SLAIN1: variants seen among roughly 807,000 people sequenced by gnomAD.
SLAIN1 encodes SLAIN motif-containing protein 1.
SLAIN1 carries 17 observed loss-of-function variants against 55.4 expected under a neutral mutation model. The observed-to-expected ratio is 0.31, with a 90% confidence interval of 0.21 to 0.46. SLAIN1 has a LOEUF of 0.46. SLAIN1 is among the 20% of genes least tolerant of loss of function. SLAIN1 has a pLI of 1.00. For synonymous variants in SLAIN1, 348 were observed against 337.4 expected, an observed-to-expected ratio of 1.03 and a Z score of -0.35; for missense variants, 682 against 785.1, an observed-to-expected ratio of 0.87 and a Z score of 1.57.
intron 2 of SLAIN1, among the ~76,000 whole-genome samples, chr13:77,736,546 CAACAACAACAA>C (rs1410560530): frequency 2.0e-5 from 3 of 152,044 alleles, no homozygotes; most frequent in African/African-American, 4.8e-5. Flanking sequence ...TTTTAAACAA[CAACAACAACAA>C]AACAACAACA....
At chr13:77,706,901 A>G (rs2091095479) in intron 1 of SLAIN1, among the ~76,000 whole-genome samples, 3 of 152,144 alleles carry the variant, frequency 2.0e-5, no homozygotes, top group Admixed American at 6.6e-5. Context: ...TGTTGAGTGC[A>G]CTGTGTTTGG....
intron 2 of SLAIN1, among the ~76,000 whole-genome samples, chr13:77,737,141 G>A (rs1179721774): frequency 6.6e-6 from 1 of 151,766 alleles, no homozygotes; most frequent in Non-Finnish European, 1.5e-5. Context: ...CATGTGCGAT[G>A]GCATCAGTGT....
At chr13:77,749,902 T>G (rs1874089888) in intron 4 of SLAIN1, among the ~76,000 whole-genome samples, 1 of 152,174 alleles carries the variant, frequency 6.6e-6, no homozygotes, top group Non-Finnish European at 1.5e-5. Flanking sequence ...TGCTTAAATA[T>G]GAGTAAAGAT....
At chr13:77,730,885 C>T (rs1442474781) in intron 2 of SLAIN1, among the ~76,000 whole-genome samples, 1 of 152,072 alleles carries the variant, frequency 6.6e-6, no homozygotes, top group Non-Finnish European at 1.5e-5. Flanking sequence ...GCAATTAAAT[C>T]ATAAGTTTTT....
chr13:77,761,649 A>T (rs1198000437), intron 6 of SLAIN1, among the ~76,000 whole-genome samples: 1 of 152,238 alleles, frequency 6.6e-6, no homozygotes, highest in African/African-American at 2.4e-5. Context: ...CCACACATTT[A>T]TGGTTTGAAA....
chr13:77,725,921 C>A (rs1310537079), intron 2 of SLAIN1, among the ~76,000 whole-genome samples: 2 of 152,194 alleles, frequency 1.3e-5, no homozygotes, highest in African/African-American at 4.8e-5. Flanking sequence ...TCTAACTGCA[C>A]AATTGCTAAT....
chr13:77,734,790 C>G (rs1333625551), intron 2 of SLAIN1, among the ~76,000 whole-genome samples: 2 of 152,026 alleles, frequency 1.3e-5, no homozygotes, highest in Non-Finnish European at 2.9e-5. Flanking sequence ...GAGGCTGAGG[C>G]GGATGGATCA....
rs1222192801 is a variant in SLAIN1 at position 77,744,313 on chromosome 13, C to T, written c.797C>T (p.Pro266Leu). 1 of 1,612,724 alleles carries T rather than the reference C, an allele frequency of 6.2e-7. No individual in the cohort carries two copies. The highest frequency in any genetic ancestry group is 8.5e-7 in the Non-Finnish European group (1 of 1,179,202). The change falls in exon 3 of 7, where the codon CCC (proline) becomes CTC (leucine). Residue 266 changes from proline (P) to leucine (L), a missense_variant. Transcript: ENST00000418532. ...ACTTCCAGGGGCTCCCCACTCAGTCCCCAGTCATCTATCGACAGTGAGCTG... is the reference window on the plus strand; with the variant it reads ...ACTTCCAGGGGCTCCCCACTCAGTCTCCAGTCATCTATCGACAGTGAGCTG... The part of the protein sequence containing the change: ...GYTSRGSPLS[P>L]QSSIDSELST...
rs773067800 is a variant in SLAIN1 at position 77,761,082 on chromosome 13, C to T, written c.1669C>T (p.Arg557Ter). ...SLAINGSNLP[R>*]SKIAQPVRSF... is the part of the protein sequence containing the mutation. ...GGCAATAAATGGGAGTAACCTGCCTCGAAGCAAAATTGCACAACCTGTTAG... is the reference window on the plus strand; with the variant it reads ...GGCAATAAATGGGAGTAACCTGCCTTGAAGCAAAATTGCACAACCTGTTAG... Residue 557 changes from arginine to a stop codon, truncating the protein, a stop_gained, in exon 6 of 7, where the codon CGA (arginine) becomes TGA (stop). Transcript: ENST00000418532. LOFTEE classifies it high-confidence loss of function. 6.2e-7 allele frequency: 1 copy of T among 1,614,068 alleles called. No individual in the cohort carries two copies. Among genetic ancestry groups the T allele is most frequent in the Non-Finnish European group, 8.5e-7 (1 of 1,179,990 alleles).
chr13:77,708,530 G>C (rs1288322241), intron 1 of SLAIN1, among the ~76,000 whole-genome samples: 1 of 152,172 alleles, frequency 6.6e-6, no homozygotes. Context: ...GCATCTGGCA[G>C]GTGCCCCTCT....
chr13:77,744,531 AT>A (rs1451201941), intron 3 of SLAIN1, 99 bp downstream of exon 3: 1 of 1,573,818 alleles, frequency 6.4e-7, no homozygotes, highest in Non-Finnish European at 8.6e-7. Flanking sequence ...TGGGCAAATA[AT>A]TAGATTCTTT....
chr13:77,752,745 T>C (rs966840804), intron 4 of SLAIN1, among the ~76,000 whole-genome samples: 7 of 152,158 alleles, frequency 4.6e-5, no homozygotes, highest in African/African-American at 1.4e-4. Context: ...GCTGAAGAAC[T>C]TGGAGTCTGA....
Position 77,746,769 on chromosome 13 carries a change from A to G in SLAIN1, c.1172A>G (p.Tyr391Cys), listed in dbSNP as rs1346755415. The change falls in exon 4 of 7, where the codon TAT (tyrosine) becomes TGT (cysteine). Residue 391 changes from tyrosine to cysteine, a missense_variant. This residue lies in a region of SLAIN1 where 244 missense variants were observed against 295.2 expected (regional missense o/e 0.83). Transcript: ENST00000418532. ...TGTAGGAGGAGCCCCAGTTCCCAGTATTTTCCTTCAAATAATTACCAGCAG... is the reference window on the plus strand; with the variant it reads ...TGTAGGAGGAGCCCCAGTTCCCAGTGTTTTCCTTCAAATAATTACCAGCAG... Reference protein sequence around the residue: ...RECRRSPSSQYFPSNNYQQQQ... With the variant: ...RECRRSPSSQCFPSNNYQQQQ... 42 of 1,613,616 alleles carry G rather than the reference A, an allele frequency of 2.6e-5. No homozygotes were observed. Among genetic ancestry groups the G allele is most frequent in the East Asian group, 6.7e-5 (3 of 44,878 alleles).
At position 77,698,058 on chromosome 13, in the gene SLAIN1, C is replaced by A. The variant is rs1254860482; in HGVS notation, c.145C>A (p.Arg49=). The change falls in exon 1 of 7, where the codon CGA becomes AGA. Residue 49 remains arginine, a synonymous_variant. Coordinates refer to ENST00000418532, the MANE Select transcript of SLAIN1 (RefSeq NM_001242868.2). This position sits in a 1 kb window ranked among gnomAD's most constrained non-coding sequence, Gnocchi z 4.1. ...LEKQNEQLRS[R]AASAAAAPHL... ...GAAGCAGAACGAGCAGCTGCGGAGTCGAGCGGCCAGCGCGGCCGCCGCCCC... is the reference window on the plus strand; with the variant it reads ...GAAGCAGAACGAGCAGCTGCGGAGTAGAGCGGCCAGCGCGGCCGCCGCCCC... 1 of 1,364,684 alleles carries A rather than the reference C, an allele frequency of 7.3e-7. No homozygotes were observed. The highest frequency in any genetic ancestry group is 2.6e-5 in the Admixed American group (1 of 38,478). The allele number at this position is 1,364,684 out of a possible 1,614,324, so 84.5% of individuals were successfully genotyped here. A position where few individuals can be genotyped will look rare whatever the true frequency, so the allele number is the denominator to read the frequency against.
intron 1 of SLAIN1, among the ~76,000 whole-genome samples, chr13:77,718,573 G>C (rs1299610913): frequency 2.6e-5 from 4 of 152,176 alleles, no homozygotes; most frequent in Non-Finnish European, 5.9e-5. Context: ...GTCTAGAACA[G>C]TGAAAGTATG....
chr13:77,752,963 C>T (rs139420566), intron 4 of SLAIN1, among the ~76,000 whole-genome samples: 9 of 152,302 alleles, frequency 5.9e-5, no homozygotes, highest in African/African-American at 1.7e-4. Context: ...CAATGCTTTA[C>T]ATCCTTCAAT....
At chr13:77,744,212 A>G (rs917884156) in intron 2 of SLAIN1, 71 bp from the exon 3 acceptor site, 15 of 1,113,614 alleles carry the variant, frequency 1.3e-5, no homozygotes, top group Non-Finnish European at 1.9e-5. Flanking sequence ...GACTGTTTAT[A>G]TATGAATTGT....
At chr13:77,731,314 A>AAATTAATATTGTCTTTAAAG in intron 2 of SLAIN1, among the ~76,000 whole-genome samples, 1 of 152,332 alleles carries the variant, frequency 6.6e-6, no homozygotes, top group South Asian at 2.1e-4. Flanking sequence ...GCTAGATAAA[A>AAATTAATATTGTCTTTAAAG]AATTAATATT....
chr13:77,698,115 GC>G lies in SLAIN1; in HGVS notation c.204del (p.Ala69ArgfsTer130), dbSNP rs1279731567. ...HLLLLPPPPPAAPPPAGLQPL... is the reference protein window; with the variant it reads ...HLLLLPPPPPXAPPPAGLQPL... ...GCTGCTGCTGCCGCCGCCGCCGCCC[GC>G]CGCGCCGCCCCCCGCTGGCCTGCAG... On this transcript the variant is annotated frameshift_variant, in exon 1 of 7. Coordinates refer to ENST00000418532, the MANE Select transcript of SLAIN1 (RefSeq NM_001242868.2). LOFTEE classifies it high-confidence loss of function. The surrounding 1 kb of genome is among the most constrained non-coding windows in gnomAD (Gnocchi z 4.1). The G allele has an allele frequency of 9.9e-7, 1 of 1,008,232 alleles. No individual in the cohort carries two copies. Among genetic ancestry groups the G allele is most frequent in the Non-Finnish European group, 1.1e-6 (1 of 872,328 alleles). 62.5% of individuals were successfully genotyped at this position (1,008,232 alleles called of 1,614,324 possible).
Sources: allele counts gnomAD v4.1 joint callset (sites outside exome capture counted in the v4.1 genomes callset), GRCh38; gene constraint gnomAD v4.1.1; regional missense constraint gnomAD v4.1.1; non-coding constraint Gnocchi (gnomAD v3.1); transcripts MANE v1.5; gene names NCBI Gene and HGNC (gene_info 2026-07-23, HGNC 2026-07-21).